The following DNAJC8 variants were observed in gnomAD, a reference collection of about 807,000 sequenced individuals.
DNAJC8 encodes dnaJ homolog subfamily C member 8.
Under a neutral mutation model 43.2 loss-of-function variants are expected in DNAJC8, and 24 were observed. The ratio of observed to expected loss-of-function variants is 0.56; its 90% CI spans 0.40 to 0.78. DNAJC8 has a LOEUF of 0.78. DNAJC8 is among the 30% of genes least tolerant of loss of function. The pLI is 0.00. For synonymous variants in DNAJC8, 83 were observed against 98.0 expected (o/e 0.85, Z 0.90); for missense variants, 207 against 299.4 (o/e 0.69, Z 2.28).
At chr1:28,201,443 A>G in intron 8 of DNAJC8, 73 bp from the exon 9 acceptor site, 3 of 1,599,696 alleles carry the variant, frequency 1.9e-6, no homozygotes, top group Non-Finnish European at 2.6e-6. Context: ...TCTGCCATCC[A>G]CTCACCCTCC....
At chr1:28,201,522 CTCATACCTATAA>C (rs1646733193) in intron 8 of DNAJC8, 152 bp from the exon 9 acceptor site, 1 of 1,242,498 alleles carries the variant, frequency 8.0e-7, no homozygotes, top group African/African-American at 1.5e-5. Context: ...GGCACAGTGG[CTCATACCTATAA>C]TCCCAGCACT....
chr1:28,216,475 A>C (rs1055192856), intron 2 of DNAJC8, among the ~76,000 whole-genome samples: 1 of 152,144 alleles, frequency 6.6e-6, no homozygotes, highest in African/African-American at 2.4e-5. Flanking sequence ...CCACCCTCAC[A>C]AAAAAAGCCT....
At chr1:28,232,047 G>A (rs564169395) in intron 1 of DNAJC8, among the ~76,000 whole-genome samples, 1 of 152,018 alleles carries the variant, frequency 6.6e-6, no homozygotes, top group East Asian at 2.0e-4. Context: ...GAGCCACCGC[G>A]CCCAACCAAG....
intron 2 of DNAJC8, among the ~76,000 whole-genome samples, chr1:28,217,343 A>G (rs1476976505): frequency 2.0e-5 from 3 of 151,976 alleles, no homozygotes; most frequent in Non-Finnish European, 2.9e-5. Flanking sequence ...CTCCCTGGCC[A>G]GGCACAGTGG....
chr1:28,220,289 G>C (rs1646890081), intron 2 of DNAJC8, among the ~76,000 whole-genome samples: 1 of 152,190 alleles, frequency 6.6e-6, no homozygotes, highest in African/African-American at 2.4e-5. Flanking sequence ...GCATGGTGAA[G>C]ACAATGGACT....
intron 2 of DNAJC8, among the ~76,000 whole-genome samples, chr1:28,226,107 T>C (rs950640396): frequency 2.6e-5 from 4 of 151,418 alleles, no homozygotes; most frequent in African/African-American, 9.7e-5. Flanking sequence ...ATTTAACAGA[T>C]ACAAAAATAT....
At chr1:28,215,749 C>A (rs1435873324) in intron 2 of DNAJC8, among the ~76,000 whole-genome samples, 1 of 152,090 alleles carries the variant, frequency 6.6e-6, no homozygotes, top group Admixed American at 6.5e-5. Flanking sequence ...GTTGGTCAGG[C>A]TGGTCTCAAA....
intron 7 of DNAJC8, among the ~76,000 whole-genome samples, chr1:28,204,551 GAGAAATC>G (rs1336923815): frequency 1.3e-5 from 2 of 151,978 alleles, no homozygotes; most frequent in African/African-American, 4.8e-5. Context: ...TGATGTTCAA[GAGAAATC>G]ATATTTTAGA....
chr1:28,210,909 C>T (rs963004197), intron 3 of DNAJC8, among the ~76,000 whole-genome samples: 3 of 152,178 alleles, frequency 2.0e-5, no homozygotes, highest in Admixed American at 1.3e-4. Flanking sequence ...GAGGCTCACG[C>T]CTGTCATCCC....
At chr1:28,210,148 T>C in intron 4 of DNAJC8, 82 bp from the exon 5 acceptor site, 1 of 1,201,044 alleles carries the variant, frequency 8.3e-7, no homozygotes, top group South Asian at 1.2e-5. Flanking sequence ...TAAATGGACT[T>C]GTGCTCTCTA....
intron 2 of DNAJC8, among the ~76,000 whole-genome samples, chr1:28,221,551 C>T (rs1646898580): frequency 6.6e-6 from 1 of 152,186 alleles, no homozygotes; most frequent in Admixed American, 6.5e-5. Flanking sequence ...CCTAGCGTTT[C>T]ACACTGATGC....
intron 2 of DNAJC8, among the ~76,000 whole-genome samples, chr1:28,218,954 T>C (rs1646880306): frequency 6.6e-6 from 1 of 152,012 alleles, no homozygotes; most frequent in South Asian, 2.1e-4. Flanking sequence ...AAAAGGAATC[T>C]CTAGGGGCAA....
intron 2 of DNAJC8, among the ~76,000 whole-genome samples, chr1:28,223,832 A>G (rs1056123167): frequency 1.3e-5 from 2 of 152,186 alleles, no homozygotes; most frequent in Non-Finnish European, 2.9e-5. Context: ...GTGTAAACAT[A>G]TATGTACACA....
intron 6 of DNAJC8, 100 bp downstream of exon 6, chr1:28,208,242 T>C: frequency 1.4e-6 from 1 of 706,662 alleles, no homozygotes; most frequent in Non-Finnish European, 2.2e-6. Flanking sequence ...AAATGTGAAA[T>C]AGCATATATT....
At chr1:28,218,206 C>T (rs951437668) in intron 2 of DNAJC8, among the ~76,000 whole-genome samples, 2 of 151,060 alleles carry the variant, frequency 1.3e-5, no homozygotes, top group Non-Finnish European at 2.9e-5. Context: ...AGCGATTCTC[C>T]TGCCTCAGCC....
chr1:28,219,497 A>G lies in DNAJC8; in HGVS notation c.181-4501T>C, dbSNP rs1472992635. Among the ~76,000 whole-genome samples, 3 of 152,284 alleles carry G rather than the reference A, an allele frequency of 2.0e-5. No individual in the cohort carries two copies. The East Asian group carries it at 5.8e-4, about 29-fold the overall frequency. The stretch of plus-strand genomic sequence containing the variant: ...GCACTCCAGCCTGGGCAACAGAGTG[A>G]GACTCTGTCTCAATAAATAAATAAA... On this transcript the variant is annotated intron_variant, in intron 2 of 8. Transcript: ENST00000263697.
rs138050264 is a variant in DNAJC8 at position 28,232,925 on chromosome 1, C to G, written c.74G>C (p.Ser25Thr). ...STEEAFMTFY[S>T]EVKQIEKRDS... is the part of the protein sequence containing the mutation. Reference sequence around the variant, plus strand: ...TACTCCTCACTCTGTGTTCACCTCACTGTAGAAGGTCATAAATGCTTCCTC... The same window carrying G: ...TACTCCTCACTCTGTGTTCACCTCAGTGTAGAAGGTCATAAATGCTTCCTC... Residue 25 changes from serine (S) to threonine (T), a missense_variant, in exon 1 of 9, where the codon AGT becomes ACT. Coordinates refer to ENST00000263697, the MANE Select transcript of DNAJC8 (RefSeq NM_014280.3). The G allele has an allele frequency of 7.0e-5, 113 of 1,613,226 alleles. No homozygotes were observed. The African/African-American group carries it at 1.4e-3, about 20-fold the overall frequency.
intron 7 of DNAJC8, 25 bp downstream of exon 7, chr1:28,205,233 T>C: frequency 6.4e-7 from 1 of 1,553,686 alleles, no homozygotes; most frequent in Non-Finnish European, 8.8e-7. Context: ...TTAAATATGG[T>C]TTAAATGAAT....
intron 3 of DNAJC8, among the ~76,000 whole-genome samples, chr1:28,214,294 G>A (rs1646836136): frequency 6.6e-6 from 1 of 152,056 alleles, no homozygotes; most frequent in Non-Finnish European, 1.5e-5. Flanking sequence ...TGCATTTTGG[G>A]GAGGCTGAAG....
Sources: allele counts gnomAD v4.1 joint callset (sites outside exome capture counted in the v4.1 genomes callset), GRCh38; gene constraint gnomAD v4.1.1; transcripts MANE v1.5; gene names NCBI Gene and HGNC (gene_info 2026-07-23, HGNC 2026-07-21).